The following DDHD2 variants were observed in gnomAD, a reference collection of about 807,000 sequenced individuals.
DDHD2 encodes the protein triacylglycerol hydrolase DDHD2.
Under a neutral mutation model 91.2 loss-of-function variants are expected in DDHD2, and 62 were observed. The observed-to-expected ratio is 0.68, with a 90% CI of 0.55 to 0.84. The LOEUF (loss-of-function observed/expected upper bound fraction) is 0.84, where lower values mean the gene tolerates loss of function less well. Ranked by LOEUF, DDHD2 falls within the 40% of genes least tolerant of loss-of-function variation. The pLI, the probability that DDHD2 is intolerant of heterozygous loss-of-function variation, is 0.00. For missense variants in DDHD2, 740 were observed against 846.9 expected (o/e 0.87, Z 1.57); for synonymous variants, 271 against 293.9 (o/e 0.92, Z 0.80).
At chr8:38,232,350 C>A (rs1342471210) in intron 1 of DDHD2, among the ~76,000 whole-genome samples, 1 of 152,232 alleles carries the variant, frequency 6.6e-6, no homozygotes, top group Non-Finnish European at 1.5e-5. Context: ...CGGGAGGAGG[C>A]TTTTGAGGTC....
chr8:38,244,367 A>G (rs556675302), intron 7 of DDHD2, among the ~76,000 whole-genome samples: 86 of 151,790 alleles, frequency 5.7e-4, no homozygotes, highest in Non-Finnish European at 1.0e-3. Context: ...GGTTCCAGCA[A>G]TTCTCCTGCC....
At chr8:38,270,977 C>T (rs145656563) in intron 1 of DDHD2, 13 of 152,182 alleles carry the variant, frequency 8.5e-5, no homozygotes, top group Admixed American at 5.2e-4. Flanking sequence ...GGGAGTGTAA[C>T]GTAAGTGCAA....
chr8:38,237,244 CG>C (rs1256265708), intron 3 of DDHD2, among the ~76,000 whole-genome samples: 1 of 151,876 alleles, frequency 6.6e-6, no homozygotes, highest in Non-Finnish European at 1.5e-5. Flanking sequence ...AATGTGGTGG[CG>C]GGTGCCTGTA....
intron 10 of DDHD2, among the ~76,000 whole-genome samples, chr8:38,248,826 T>C (rs955564765): frequency 3.3e-5 from 5 of 151,102 alleles, no homozygotes; most frequent in African/African-American, 1.2e-4. Flanking sequence ...ACACATGTAG[T>C]CCCAGCTACT....
At chr8:38,269,307 G>T in intron 1 of DDHD2, 1 of 1,184,070 alleles carries the variant, frequency 8.4e-7, no homozygotes, top group Non-Finnish European at 1.1e-6. Flanking sequence ...CGCTCCGGCG[G>T]CTCCCCAGGA....
intron 16 of DDHD2, among the ~76,000 whole-genome samples, chr8:38,256,774 C>T (rs1331802733): frequency 6.6e-6 from 1 of 152,088 alleles, no homozygotes; most frequent in African/African-American, 2.4e-5. Context: ...TTTACATGGA[C>T]ATATTCTTGG....
chr8:38,234,769 ATT>A (rs373591192), intron 3 of DDHD2, among the ~76,000 whole-genome samples, 185 bp downstream of exon 3: 4 of 142,224 alleles, frequency 2.8e-5, no homozygotes, highest in Non-Finnish European at 3.1e-5. Context: ...TTATTTTCAG[ATT>A]TTTTTTTTTT....
At chr8:38,269,314 A>C in intron 1 of DDHD2, 1 of 1,113,090 alleles carries the variant, frequency 9.0e-7, no homozygotes, top group Non-Finnish European at 1.2e-6. Flanking sequence ...GCGGCTCCCC[A>C]GGAAGACGGC....
chr8:38,253,080 C>T lies in DDHD2; in HGVS notation c.1844C>T (p.Pro615Leu), dbSNP rs372521925. 1 of 1,613,976 alleles carries T rather than the reference C, an allele frequency of 6.2e-7. No homozygotes were observed. Among genetic ancestry groups the T allele is most frequent in the Non-Finnish European group, 8.5e-7 (1 of 1,180,032 alleles). The change falls in exon 15 of 18, where the codon CCA becomes CTA. Residue 615 changes from proline to leucine, a missense_variant. By Grantham distance (98) the Pro-to-Leu change is moderately conservative. This residue lies in a region of DDHD2 where 693 missense variants were observed against 764.2 expected (regional missense o/e 0.91). Coordinates refer to ENST00000397166, the MANE Select transcript of DDHD2 (RefSeq NM_015214.3). ...CCTGCCTTACAAGCTTCAGAAACAC[C>T]AGAAGAAACTGAAGCAGAACCTGAA... ...PYPALQASET[P>L]EETEAEPEST... is the part of the protein sequence containing the mutation.
chr8:38,249,925 C>CTT, intron 11 of DDHD2, 122 bp downstream of exon 11: 1 of 563,198 alleles, frequency 1.8e-6, no homozygotes, highest in Non-Finnish European at 3.1e-6. Flanking sequence ...ATCTTTGGCT[C>CTT]TTTTTTTTTG....
At chr8:38,244,844 G>A (rs939686876) in intron 7 of DDHD2, among the ~76,000 whole-genome samples, 11 of 152,122 alleles carry the variant, frequency 7.2e-5, no homozygotes, top group African/African-American at 2.2e-4. Context: ...CATTACAGGC[G>A]TGAGCCACCG....
chr8:38,260,965 C>G lies in DDHD2; in HGVS notation c.*392C>G, dbSNP rs1806974972. 6.6e-6 allele frequency: 1 copy of G among 152,060 alleles called. No individual in the cohort carries two copies. Among genetic ancestry groups the G allele is most frequent in the African/African-American group, 2.4e-5 (1 of 41,394 alleles). The allele number at this position is 152,060 out of a possible 1,614,324, so 9.4% of individuals were successfully genotyped here. On this transcript the variant is annotated 3_prime_UTR_variant, in exon 18 of 18. Coordinates refer to ENST00000397166, the MANE Select transcript of DDHD2 (RefSeq NM_015214.3). ...TGTTTTTAAGGAACTTATTGCTTATCTTTAGAAAATGTTCTAGTTTGGAAA... is the reference window on the plus strand; with the variant it reads ...TGTTTTTAAGGAACTTATTGCTTATGTTTAGAAAATGTTCTAGTTTGGAAA...
chr8:38,258,241 AAATT>A (rs1486267462), intron 16 of DDHD2, among the ~76,000 whole-genome samples: 4 of 152,012 alleles, frequency 2.6e-5, no homozygotes, highest in African/African-American at 9.7e-5. Flanking sequence ...ATTCTAAATT[AAATT>A]AATTAAATTC....
At chr8:38,258,668 A>G (rs954421771) in intron 16 of DDHD2, among the ~76,000 whole-genome samples, 61 of 152,310 alleles carry the variant, frequency 4.0e-4, no homozygotes, top group African/African-American at 1.4e-3. Context: ...TTGATACAGG[A>G]ATTTCTTAAG....
At chr8:38,240,430 C>A (rs1805162667) in intron 6 of DDHD2, 66 bp downstream of exon 6, 1 of 1,212,008 alleles carries the variant, frequency 8.3e-7, no homozygotes, top group African/African-American at 1.5e-5. Context: ...AAAGCCTTGT[C>A]TTTGGTCTAT....
rs1432089202 is a variant in DDHD2 at position 38,231,860 on chromosome 8, G to A, written c.-9+1G>A. 5.2e-5 allele frequency: 8 copies of A among 153,410 alleles called. No homozygotes were observed. The highest frequency in any genetic ancestry group is 1.0e-4 in the Non-Finnish European group (7 of 69,160). The allele number at this position is 153,410 out of a possible 1,614,324, so 9.5% of individuals were successfully genotyped here. Reference sequence around the variant, plus strand: ...GCCTGAGGAGTGGCGGGGCCGCCAGGTGAGACCGCGTCGGGCGGGCGGCTG... The same window carrying A: ...GCCTGAGGAGTGGCGGGGCCGCCAGATGAGACCGCGTCGGGCGGGCGGCTG... On this transcript the variant is annotated splice_donor_variant, in intron 1 of 17. Transcript: ENST00000397166. LOFTEE classifies it low-confidence loss of function (5UTR_SPLICE).
In DDHD2 at chr8:38,238,052, C is replaced by G. The variant is rs369357474; in HGVS notation, c.502-37C>G. On this transcript the variant is annotated intron_variant, in intron 4 of 17. Transcript: ENST00000397166. ...GCATTGTATAGAGATGATTGTATTG[C>G]AGAATATTTTTATTGCTCTGATCTG... The G allele has an allele frequency of 4.8e-5, 75 of 1,551,566 alleles. No homozygotes were observed. The African/African-American group carries it at 1.0e-3, about 21-fold the overall frequency.
At chr8:38,243,065 A>G (rs1805367989) in intron 7 of DDHD2, among the ~76,000 whole-genome samples, 1 of 152,166 alleles carries the variant, frequency 6.6e-6, no homozygotes, top group Non-Finnish European at 1.5e-5. Context: ...TCTGTGTCTC[A>G]GTTCTCAGTA....
In DDHD2 at chr8:38,242,304, C is replaced by T. The variant is rs370261200; in HGVS notation, c.767C>T (p.Ala256Val). The change falls in exon 7 of 18, where the codon GCC becomes GTC. Residue 256 changes from alanine (A) to valine (V), a missense_variant. Physicochemically the swap from Ala to Val is moderately conservative, Grantham distance 64 (BLOSUM62 0). Coordinates refer to ENST00000397166, the MANE Select transcript of DDHD2 (RefSeq NM_015214.3). ...LNLLQTHFKK[A>V]QENQQIGRVE... The stretch of plus-strand genomic sequence containing the variant: ...TTGCTACAGACACATTTTAAGAAAG[C>T]CCAAGAAAATCAGCAGATTGGGAGG... 3 of 1,606,084 alleles carry T rather than the reference C, an allele frequency of 1.9e-6. No homozygotes were observed. Among genetic ancestry groups the T allele is most frequent in the African/African-American group, 2.7e-5 (2 of 74,422 alleles).
Sources: allele counts gnomAD v4.1 joint callset (sites outside exome capture counted in the v4.1 genomes callset), GRCh38; gene constraint gnomAD v4.1.1; regional missense constraint gnomAD v4.1.1; transcripts MANE v1.5; gene names NCBI Gene and HGNC (gene_info 2026-07-23, HGNC 2026-07-21).